MTMR1: variants seen among roughly 807,000 people sequenced by gnomAD.
MTMR1 encodes myotubularin related protein 1.
In MTMR1, 17 loss-of-function variants were observed where a neutral mutation model predicts 51.6. That is an observed-to-expected ratio of 0.33 (90% confidence interval 0.23 to 0.49). MTMR1 has a LOEUF of 0.49. MTMR1 is among the 20% of genes least tolerant of loss of function. MTMR1 has a pLI of 0.99. For synonymous variants in MTMR1, 201 were observed against 205.6 expected, an observed-to-expected ratio of 0.98 and a Z score of 0.19; for missense variants, 386 against 526.9, an observed-to-expected ratio of 0.73 and a Z score of 2.62.
intron 13 of MTMR1, among the ~76,000 whole-genome samples, chrX:150,745,172 TAA>T (rs2042543581): frequency 8.9e-6 from 1 of 112,212 alleles, no homozygotes; most frequent in Non-Finnish European, 1.9e-5. Flanking sequence ...ATCCTTGTGA[TAA>T]GAGACAGTGC....
At position 150,750,851 on chromosome X, in the gene MTMR1, T is replaced by G. The variant is rs1557417573; in HGVS notation, c.1680+8T>G. ...CAGCAGCGATTCAAAGAGGTGAGTA[T>G]GCTGCATCCTTGTCTGTTGCTTTCC... On this transcript the variant is annotated splice_region_variant and intron_variant, in intron 14 of 15. Transcript: ENST00000445323. The G allele has an allele frequency of 6.9e-6, 8 of 1,154,258 alleles. No individual in the cohort carries two copies.
At position 150,700,162 on chromosome X, in the gene MTMR1, A is replaced by T. The variant is rs184960627; in HGVS notation, c.252+862A>T. 1.9e-3 allele frequency among the ~76,000 whole-genome samples: 209 copies of T among 112,468 alleles called. 1 individual carries two copies. Among genetic ancestry groups the T allele is most frequent in the African/African-American group, 6.5e-3 (202 of 30,972 alleles). ...AATGCATTTGGTATCCCAGACTACC[A>T]TTAGTTAATAGTCTCTCAATATCAT... On this transcript the variant is annotated intron_variant, in intron 2 of 15. Transcript: ENST00000445323.
chrX:150,758,127 C>T (rs1167124051), intron 15 of MTMR1, among the ~76,000 whole-genome samples: 1 of 111,484 alleles, frequency 9.0e-6, no homozygotes, highest in Non-Finnish European at 1.9e-5. Flanking sequence ...TCCCCCTGCA[C>T]ATCTGCTCTC....
intron 1 of MTMR1, among the ~76,000 whole-genome samples, chrX:150,698,260 C>T (rs1335437275): frequency 2.7e-5 from 3 of 109,963 alleles, no homozygotes; most frequent in Admixed American, 9.6e-5. Context: ...CGCCACTGCA[C>T]TCCAGCCTGG....
intron 2 of MTMR1, among the ~76,000 whole-genome samples, chrX:150,709,703 C>T (rs2041240891): frequency 9.0e-6 from 1 of 111,553 alleles, no homozygotes; most frequent in East Asian, 2.8e-4. Context: ...TCTCACATGG[C>T]CAGAGTGGGA....
intron 1 of MTMR1, among the ~76,000 whole-genome samples, chrX:150,696,878 C>A (rs1331390097): frequency 2.7e-5 from 3 of 111,726 alleles, no homozygotes; most frequent in Non-Finnish European, 5.6e-5. Context: ...AGGTAACTCA[C>A]CTACAAGTGG....
chrX:150,728,851 C>T (rs1192664122), intron 6 of MTMR1, among the ~76,000 whole-genome samples: 1 of 109,050 alleles, frequency 9.2e-6, no homozygotes, highest in Admixed American at 9.8e-5. Context: ...TCCTAGACTG[C>T]GTTCAAAACC....
Position 150,731,550 on chromosome X carries a change from T to C in MTMR1, c.822T>C (p.Val274=), listed in dbSNP as rs1226158672. The stretch of plus-strand genomic sequence containing the variant: ...GTGACACCTACCCTGCCATCATTGT[T>C]GTGCCAACTAGTGTAAAAGATGATG... ...EFCDTYPAII[V]VPTSVKDDDL... is the part of the protein sequence containing the mutation. Residue 274 remains valine, a synonymous_variant, in exon 9 of 16, where the codon GTT becomes GTC. Coordinates refer to ENST00000445323, the MANE Select transcript of MTMR1 (RefSeq NM_001306144.3). 8.3e-7 allele frequency: 1 copy of C among 1,209,835 alleles called. No individual in the cohort carries two copies. Among genetic ancestry groups the C allele is most frequent in the South Asian group, 1.8e-5 (1 of 56,557 alleles).
chrX:150,753,186 A>C (rs187226088), intron 14 of MTMR1, among the ~76,000 whole-genome samples: 55 of 112,496 alleles, frequency 4.9e-4, no homozygotes, highest in African/African-American at 1.7e-3. Context: ...TTTATGGCTG[A>C]GCAATATTCC....
chrX:150,700,645 G>A (rs781826194), intron 2 of MTMR1, among the ~76,000 whole-genome samples: 4 of 112,760 alleles, frequency 3.5e-5, no homozygotes, highest in Non-Finnish European at 7.5e-5. Flanking sequence ...CTGAGCAGCT[G>A]CGGATCGCAT....
intron 1 of MTMR1, among the ~76,000 whole-genome samples, chrX:150,697,728 A>G (rs1275207405): frequency 8.9e-6 from 1 of 111,906 alleles, no homozygotes; most frequent in Non-Finnish European, 1.9e-5. Flanking sequence ...GAGGCTGGGC[A>G]AGGCTACGTG....
chrX:150,727,108 A>T, intron 4 of MTMR1, 107 bp from the exon 5 acceptor site: 1 of 484,186 alleles, frequency 2.1e-6, no homozygotes, highest in Non-Finnish European at 3.5e-6. Flanking sequence ...AAAATACAAA[A>T]TTCCTGGAAA....
intron 1 of MTMR1, among the ~76,000 whole-genome samples, chrX:150,697,214 G>A (rs2040709796): frequency 8.9e-6 from 1 of 112,004 alleles, no homozygotes; most frequent in African/African-American, 3.3e-5. Flanking sequence ...CCCTCAGGTC[G>A]AAATTGTGGT....
Position 150,693,552 on chromosome X carries a change from G to T in MTMR1, c.22G>T (p.Ala8Ser), listed in dbSNP as rs1246741092. MDRPAAAAAAGCEGGGGP... is the reference protein window; with the variant it reads MDRPAAASAAGCEGGGGP... ...CGCCATGGACAGGCCGGCGGCGGCG[G>T]CGGCGGCGGGCTGCGAGGGCGGCGG... is the stretch of plus-strand genomic sequence containing the variant. The change falls in exon 1 of 16, where the codon GCG (alanine) becomes TCG (serine). Residue 8 changes from alanine to serine, a missense_variant. Physicochemically the swap from Ala to Ser is moderately conservative, Grantham distance 99. Coordinates refer to ENST00000445323, the MANE Select transcript of MTMR1 (RefSeq NM_001306144.3). The T allele has an allele frequency of 2.6e-6, 2 of 760,540 alleles. No homozygotes were observed. Among genetic ancestry groups the T allele is most frequent in the Non-Finnish European group, 1.6e-6 (1 of 644,060 alleles). The allele number at this position is 760,540 out of a possible 1,213,427, so 62.7% of individuals were successfully genotyped here.
intron 15 of MTMR1, among the ~76,000 whole-genome samples, chrX:150,756,472 G>A (rs978350372): frequency 6.3e-5 from 7 of 111,342 alleles, no homozygotes; most frequent in African/African-American, 1.3e-4. Flanking sequence ...CTCTGGCTGC[G>A]GGTTCCTGAA....
At chrX:150,719,595 T>C (rs1011066504) in intron 4 of MTMR1, among the ~76,000 whole-genome samples, 12 of 112,201 alleles carry the variant, frequency 1.1e-4, no homozygotes, top group African/African-American at 3.6e-4. Flanking sequence ...CATACTGTTT[T>C]CTTAATGATC....
intron 12 of MTMR1, among the ~76,000 whole-genome samples, chrX:150,737,712 A>G (rs1394473576): frequency 8.9e-6 from 1 of 112,136 alleles, no homozygotes; most frequent in East Asian, 2.8e-4. Context: ...ACCATTTAAA[A>G]TGCTCAATTC....
chrX:150,738,728 A>G (rs987120554), intron 12 of MTMR1, among the ~76,000 whole-genome samples: 1 of 111,686 alleles, frequency 9.0e-6, no homozygotes, highest in Non-Finnish European at 1.9e-5. Context: ...GCTGACTTCA[A>G]TGCCCTCATT....
At chrX:150,725,111 G>A (rs2041885123) in intron 4 of MTMR1, among the ~76,000 whole-genome samples, 1 of 112,016 alleles carries the variant, frequency 8.9e-6, no homozygotes, top group African/African-American at 3.3e-5. Flanking sequence ...TTCTGGGAAT[G>A]TCATTGGTAG....
Sources: allele counts gnomAD v4.1 joint callset (sites outside exome capture counted in the v4.1 genomes callset), GRCh38; gene constraint gnomAD v4.1.1; transcripts MANE v1.5; gene names NCBI Gene and HGNC (gene_info 2026-07-23, HGNC 2026-07-21).